Variants in DCHS2 observed in about 807,000 individuals in gnomAD.
The protein encoded by DCHS2 is protocadherin-23.
Under a neutral mutation model 182.4 loss-of-function variants are expected in DCHS2, and 142 were observed. The observed-to-expected ratio is 0.78, with a 90% CI of 0.68 to 0.89. The LOEUF is 0.89. Ranked by LOEUF, DCHS2 falls within the 40% of genes least tolerant of loss-of-function variation. DCHS2 has a pLI of 0.00. For missense variants in DCHS2, 4,319 were observed against 4,198.6 expected (o/e 1.03, Z -0.79); for synonymous variants, 1,740 against 1,663.3 (o/e 1.05, Z -1.12).
In DCHS2 at chr4:154,366,403, C is replaced by T. The variant is rs775828567; in HGVS notation, c.2283G>A (p.Leu761=). ...LSAQAFVRVD[L]EDVNDNHPVF... Reference sequence around the variant, plus strand: ...CAGGATGATTATCATTCACGTCCTCCAGGTCCACACGAACAAAGGCTTGGG... The same window carrying T: ...CAGGATGATTATCATTCACGTCCTCTAGGTCCACACGAACAAAGGCTTGGG... The change falls in exon 3 of 20, where the codon CTG becomes CTA. Residue 761 remains leucine, a synonymous_variant. Transcript: ENST00000357232. 5 of 1,613,644 alleles carry T rather than the reference C, an allele frequency of 3.1e-6. No homozygotes were observed. In the African/African-American group the frequency reaches 4.0e-5, roughly 13 times the overall value.
chr4:154,269,812 G>T, intron 14 of DCHS2, 88 bp downstream of exon 14: 1 of 1,496,612 alleles, frequency 6.7e-7, no homozygotes, highest in Non-Finnish European at 9.0e-7. Flanking sequence ...AAATTACTTA[G>T]CTCTAACAAT....
intron 14 of DCHS2, among the ~76,000 whole-genome samples, chr4:154,266,484 G>A (rs77843148): frequency 0.022 from 3,384 of 151,962 alleles, 131 homozygotes; most frequent in African/African-American, 0.073. Context: ...GTGAAACCCC[G>A]TCTCTAAAAA....
chr4:154,332,438 C>T (rs747030755), intron 5 of DCHS2, 40 bp downstream of exon 5: 10 of 1,507,682 alleles, frequency 6.6e-6, no homozygotes, highest in South Asian at 1.3e-5. Flanking sequence ...AGTACTGAAC[C>T]CTCATTTTAA....
intron 1 of DCHS2, among the ~76,000 whole-genome samples, chr4:154,394,354 A>G (rs1344778877): frequency 6.6e-6 from 1 of 152,224 alleles, no homozygotes; most frequent in Non-Finnish European, 1.5e-5. Flanking sequence ...GGCCCCCCTC[A>G]GGAGTCAGAC....
intron 2 of DCHS2, among the ~76,000 whole-genome samples, chr4:154,375,568 A>C (rs1220622242): frequency 6.6e-6 from 1 of 152,216 alleles, no homozygotes; most frequent in Non-Finnish European, 1.5e-5. Context: ...AATAGCAATA[A>C]ACATGAAAAA....
chr4:154,416,890 G>C (rs540301985), intron 1 of DCHS2, among the ~76,000 whole-genome samples: 1 of 152,124 alleles, frequency 6.6e-6, no homozygotes, highest in East Asian at 1.9e-4. Context: ...TTATTTCCCA[G>C]ATGTTTTTAC....
At chr4:154,316,849 CT>C (rs1481204033) in intron 9 of DCHS2, among the ~76,000 whole-genome samples, 6 of 152,134 alleles carry the variant, frequency 3.9e-5, no homozygotes, top group African/African-American at 1.4e-4. Context: ...TAAAATGTGT[CT>C]CTATCCCACT....
chr4:154,414,967 G>T (rs1438315552), intron 1 of DCHS2, among the ~76,000 whole-genome samples: 1 of 152,170 alleles, frequency 6.6e-6, no homozygotes, highest in Non-Finnish European at 1.5e-5. Flanking sequence ...TGCTAAGAAG[G>T]TGATGCCGCG....
chr4:154,433,778 T>C (rs753645408), intron 1 of DCHS2, among the ~76,000 whole-genome samples: 2 of 152,230 alleles, frequency 1.3e-5, no homozygotes, highest in Non-Finnish European at 2.9e-5. Flanking sequence ...ACTAGGCTCC[T>C]GCAGTGGCCT....
At chr4:154,254,547 G>A (rs1732551026) in intron 16 of DCHS2, among the ~76,000 whole-genome samples, 1 of 152,100 alleles carries the variant, frequency 6.6e-6, no homozygotes, top group South Asian at 2.1e-4. Flanking sequence ...TCTTAACAGT[G>A]TTTTGCTGGC....
chr4:154,366,654 GACAC>G (rs148346473), intron 2 of DCHS2, among the ~76,000 whole-genome samples: 4 of 150,870 alleles, frequency 2.7e-5, no homozygotes, highest in Admixed American at 6.6e-5. Context: ...CACACACACA[GACAC>G]ACACACACAC....
At chr4:154,292,918 C>T (rs950749889) in intron 13 of DCHS2, among the ~76,000 whole-genome samples, 2 of 152,176 alleles carry the variant, frequency 1.3e-5, no homozygotes, top group East Asian at 1.9e-4. Flanking sequence ...TTGACCGCCC[C>T]GTTTCTTAAA....
intron 1 of DCHS2, among the ~76,000 whole-genome samples, chr4:154,411,322 G>A (rs979904021): frequency 6.6e-6 from 1 of 152,164 alleles, no homozygotes; most frequent in East Asian, 1.9e-4. Flanking sequence ...TCTGGGGCGG[G>A]GCACTGTGGC....
rs1728814995 is a variant in DCHS2 at position 154,491,069 on chromosome 4, T to C, written c.287A>G (p.Gln96Arg). The C allele has an allele frequency of 1.9e-6, 3 of 1,551,246 alleles. No individual in the cohort carries two copies. In the South Asian group the frequency reaches 3.6e-5, roughly 18 times the overall value. Residue 96 changes from glutamine to arginine, a missense_variant, in exon 1 of 20, where the codon CAG (glutamine) becomes CGG (arginine). By Grantham distance (43) the Gln-to-Arg change is conservative. Transcript: ENST00000357232. ...CGACAGAAAGAAGCCGCTCCCCTCCTGCTGCTGCGCGGCCGGCAGCCCGGC... is the reference window on the plus strand; with the variant it reads ...CGACAGAAAGAAGCCGCTCCCCTCCCGCTGCTGCGCGGCCGGCAGCCCGGC... ...IRAGLPAAQQQEGSGFFLSED... is the reference protein window; with the variant it reads ...IRAGLPAAQQREGSGFFLSED...
intron 1 of DCHS2, among the ~76,000 whole-genome samples, chr4:154,414,420 A>G (rs946726347): frequency 1.3e-5 from 2 of 151,366 alleles, no homozygotes; most frequent in African/African-American, 4.8e-5. Context: ...CATTAAAGGA[A>G]GCAAAGCAGA....
intron 16 of DCHS2, among the ~76,000 whole-genome samples, chr4:154,248,519 AT>A (rs1427348566): frequency 1.3e-5 from 2 of 152,160 alleles, no homozygotes; most frequent in African/African-American, 4.8e-5. Flanking sequence ...TTTTTAAAAA[AT>A]GTATATATTA....
At chr4:154,468,139 C>T (rs557461930) in intron 1 of DCHS2, among the ~76,000 whole-genome samples, 6 of 152,198 alleles carry the variant, frequency 3.9e-5, no homozygotes, top group South Asian at 2.1e-4. Flanking sequence ...GGGCAGTTCT[C>T]CAGCCGGACA....
chr4:154,455,820 T>C (rs1734740297), intron 1 of DCHS2, among the ~76,000 whole-genome samples: 6 of 152,228 alleles, frequency 3.9e-5, no homozygotes, highest in Admixed American at 3.9e-4. Context: ...CTGGGTGCAG[T>C]GGCTCACGAA....
chr4:154,235,728 A>G lies in DCHS2; in HGVS notation c.8924T>C (p.Phe2975Ser), dbSNP rs1180840239. The change falls in exon 20 of 20, where the codon TTT becomes TCT. Residue 2975 changes from phenylalanine (F) to serine (S), a missense_variant. By Grantham distance (155) the Phe-to-Ser change is radical. Coordinates refer to ENST00000357232, the MANE Select transcript of DCHS2 (RefSeq NM_001358235.2). Reference sequence around the variant, plus strand: ...TTCAGAGGAGAAAGACACATTCACAAAAACAGTGCAAGATGCAAACTTGGA... The same window carrying G: ...TTCAGAGGAGAAAGACACATTCACAGAAACAGTGCAAGATGCAAACTTGGA... Reference protein sequence around the residue: ...SDSKFASCTVFVNVSFSSEGT... With the variant: ...SDSKFASCTVSVNVSFSSEGT... 6.2e-7 allele frequency: 1 copy of G among 1,613,988 alleles called. No homozygotes were observed. The highest frequency in any genetic ancestry group is 1.1e-5 in the South Asian group (1 of 91,082).
Sources: gnomAD v4.1 joint callset for allele counts (sites outside exome capture counted in the v4.1 genomes callset) on GRCh38, gnomAD v4.1.1 for gene constraint, MANE v1.5 for transcripts, NCBI Gene and HGNC (gene_info 2026-07-23, HGNC 2026-07-21) for gene names.